The following ZDHHC8 variants were observed in gnomAD, a reference collection of about 807,000 sequenced individuals.
ZDHHC8 encodes zDHHC palmitoyltransferase 8.
ZDHHC8 carries 24 observed loss-of-function variants against 61.2 expected under a neutral mutation model. That is an observed-to-expected ratio of 0.39 (90% CI 0.28 to 0.55). The LOEUF (loss-of-function observed/expected upper bound fraction) is 0.55, where lower values mean the gene tolerates loss of function less well. Ranked by LOEUF, ZDHHC8 falls within the 20% of genes least tolerant of loss-of-function variation. The pLI is 0.60. For synonymous variants in ZDHHC8, 523 were observed against 492.5 expected, an observed-to-expected ratio of 1.06 and a Z score of -0.82; for missense variants, 935 against 1,102.1, an observed-to-expected ratio of 0.85 and a Z score of 2.15.
rs1333183701 is a variant in ZDHHC8 at position 20,131,886 on chromosome 22, C to T, written c.-62C>T. The T allele has an allele frequency of 4.9e-5, 37 of 758,024 alleles. No homozygotes were observed. In the South Asian group the frequency reaches 1.9e-3, roughly 39 times the overall value. The allele number at this position is 758,024 out of a possible 1,614,324, so 47.0% of individuals were successfully genotyped here. On this transcript the variant is annotated 5_prime_UTR_variant, in exon 1 of 11. Transcript: ENST00000334554. Reference sequence around the variant, plus strand: ...TCCAGCCCGCCCGCCCGACCCCGGCCCGACCCCGGCCGGCCCTGCCCGCCC... The same window carrying T: ...TCCAGCCCGCCCGCCCGACCCCGGCTCGACCCCGGCCGGCCCTGCCCGCCC...
chr22:20,145,475 T>G lies in ZDHHC8; in HGVS notation c.*75T>G. Reference sequence around the variant, plus strand: ...CAGCGCACCCCCCCTCCCCACCAACTTCTCTGCCCCAGGGACCCGAGGCCA... The same window carrying G: ...CAGCGCACCCCCCCTCCCCACCAACGTCTCTGCCCCAGGGACCCGAGGCCA... On this transcript the variant is annotated 3_prime_UTR_variant, in exon 11 of 11. Transcript: ENST00000334554. 1 of 1,333,646 alleles carries G rather than the reference T, an allele frequency of 7.5e-7. No homozygotes were observed. 82.6% of individuals were successfully genotyped at this position (1,333,646 alleles called of 1,614,324 possible). A position where few individuals can be genotyped will look rare whatever the true frequency, so the allele number is the denominator to read the frequency against.
chr22:20,132,598 C>T (rs2050386690), intron 1 of ZDHHC8, among the ~76,000 whole-genome samples: 1 of 152,238 alleles, frequency 6.6e-6, no homozygotes, highest in Non-Finnish European at 1.5e-5. Flanking sequence ...CTCAGGAAGA[C>T]CCAGTGGTCA....
At chr22:20,142,052 C>T (rs960679793) in intron 9 of ZDHHC8, among the ~76,000 whole-genome samples, 8 of 152,166 alleles carry the variant, frequency 5.3e-5, no homozygotes, top group Non-Finnish European at 1.0e-4. Flanking sequence ...ACCAAACAGT[C>T]CCAGGGTGCC....
intron 4 of ZDHHC8, 40 bp from the exon 5 acceptor site, chr22:20,140,075 T>C: frequency 1.2e-6 from 2 of 1,607,398 alleles, no homozygotes; most frequent in Non-Finnish European, 1.7e-6. Flanking sequence ...CGATGGGGTC[T>C]GCGGTGTCCT....
rs373113355 is a variant in ZDHHC8 at position 20,139,714 on chromosome 22, G to A, written c.385-6G>A. 143 of 1,611,812 alleles carry A rather than the reference G, an allele frequency of 8.9e-5. No individual in the cohort carries two copies. The highest frequency in any genetic ancestry group is 2.3e-4 in the Admixed American group (14 of 60,000). The stretch of plus-strand genomic sequence containing the variant: ...CCATGTGCCCTGATGCACTGCTCCC[G>A]CCCAGGACTTTGACCACCACTGCCC... On this transcript the variant is annotated splice_region_variant and splice_polypyrimidine_tract_variant and intron_variant, in intron 3 of 10. Coordinates refer to ENST00000334554, the MANE Select transcript of ZDHHC8 (RefSeq NM_013373.4).
intron 1 of ZDHHC8, 29 bp from the exon 2 acceptor site, chr22:20,139,165 C>T (rs1384278534): frequency 1.9e-5 from 30 of 1,605,786 alleles, no homozygotes; most frequent in Admixed American, 1.2e-4. Flanking sequence ...CCCCCAGACT[C>T]CACTCTCTGC....
intron 3 of ZDHHC8, 41 bp downstream of exon 3, chr22:20,139,676 A>T: frequency 6.2e-7 from 1 of 1,611,156 alleles, no homozygotes; most frequent in Non-Finnish European, 8.5e-7. Context: ...GCCCTGTGCC[A>T]CATCCCTGCC....
chr22:20,132,026 TC>T lies in ZDHHC8; in HGVS notation c.81del (p.Ser28AlafsTer12). ...CACGGCCGCCGCGCTGCTGGTCGGC[TC>T]CAGCACCCTCTTCTTCGTGTTCACG... ...VATAAALLVG[S>X]STLFFVFTCP... On this transcript the variant is annotated frameshift_variant, in exon 1 of 11. Transcript: ENST00000334554. LOFTEE classifies it high-confidence loss of function. 7.3e-7 allele frequency: 1 copy of T among 1,373,990 alleles called. No individual in the cohort carries two copies. The highest frequency in any genetic ancestry group is 1.4e-5 in the South Asian group (1 of 71,728). 85.1% of individuals were successfully genotyped at this position (1,373,990 alleles called of 1,614,324 possible). A position where few individuals can be genotyped will look rare whatever the true frequency, so the allele number is the denominator to read the frequency against.
chr22:20,131,865 G>GGCCCCCCCC lies in ZDHHC8; in HGVS notation c.-83_-82insGCCCCCCCC. On this transcript the variant is annotated 5_prime_UTR_variant, in exon 1 of 11. Coordinates refer to ENST00000334554, the MANE Select transcript of ZDHHC8 (RefSeq NM_013373.4). Reference sequence around the variant, plus strand: ...CGCCGCGGGTCCTGCGCCGCGTCCAGCCCGCCCGCCCGACCCCGGCCCGAC... The same window carrying GGCCCCCCCC: ...CGCCGCGGGTCCTGCGCCGCGTCCAGGCCCCCCCCCCCGCCCGCCCGACCCCGGCCCGAC... The GGCCCCCCCC allele has an allele frequency of 1.6e-5, 5 of 318,144 alleles. No individual in the cohort carries two copies. Among genetic ancestry groups the GGCCCCCCCC allele is most frequent in the Non-Finnish European group, 2.2e-5 (5 of 222,532 alleles). The allele number at this position is 318,144 out of a possible 1,614,324, so 19.7% of individuals were successfully genotyped here.
At chr22:20,132,799 A>T (rs2050388521) in intron 1 of ZDHHC8, among the ~76,000 whole-genome samples, 1 of 152,226 alleles carries the variant, frequency 6.6e-6, no homozygotes, top group Admixed American at 6.5e-5. Context: ...TTAGGACCAG[A>T]GAGGCATGCG....
At chr22:20,139,081 C>T (rs2050444881) in intron 1 of ZDHHC8, 113 bp from the exon 2 acceptor site, 1 of 1,471,836 alleles carries the variant, frequency 6.8e-7, no homozygotes, top group Admixed American at 2.2e-5. Context: ...TCCCCACTGC[C>T]TCTGAGCTCT....
At position 20,137,357 on chromosome 22, in the gene ZDHHC8, GC is replaced by G. The variant is rs567138756; in HGVS notation, c.105-1832del. ...CCTGATGGGCGAACACACCCCCAAG[GC>G]CCCCGTTAGGGCCAGGAGGCAGGCT... On this transcript the variant is annotated intron_variant, in intron 1 of 10. Transcript: ENST00000334554. 2.0e-4 allele frequency among the ~76,000 whole-genome samples: 30 copies of G among 152,344 alleles called. No individual in the cohort carries two copies. The East Asian group carries it at 5.2e-3, about 26-fold the overall frequency.
At chr22:20,134,152 A>G (rs1453866053) in intron 1 of ZDHHC8, among the ~76,000 whole-genome samples, 1 of 152,152 alleles carries the variant, frequency 6.6e-6, no homozygotes, top group African/African-American at 2.4e-5. Flanking sequence ...CTCCTGGGAG[A>G]AGATGCCATG....
intron 3 of ZDHHC8, 36 bp downstream of exon 3, chr22:20,139,671 G>T: frequency 1.2e-6 from 2 of 1,611,204 alleles, no homozygotes; most frequent in Non-Finnish European, 1.7e-6. Flanking sequence ...CCCCAGCCCT[G>T]TGCCACATCC....
rs755193355 is a variant in ZDHHC8 at position 20,141,537 on chromosome 22, A to G, written c.1125+7A>G. 74 of 1,607,048 alleles carry G rather than the reference A, an allele frequency of 4.6e-5. No individual in the cohort carries two copies. The Admixed American group carries it at 1.2e-3, about 27-fold the overall frequency. ...CTGTGGACCAGGCGAGCAGGTAAGG[A>G]GGCCTAGCCTGCCCCCTGGCAGGCC... On this transcript the variant is annotated splice_region_variant and intron_variant, in intron 9 of 10. Coordinates refer to ENST00000334554, the MANE Select transcript of ZDHHC8 (RefSeq NM_013373.4).
chr22:20,147,338 C>G lies in ZDHHC8; in HGVS notation c.*1938C>G, dbSNP rs1422793151. On this transcript the variant is annotated 3_prime_UTR_variant, in exon 11 of 11. Coordinates refer to ENST00000334554, the MANE Select transcript of ZDHHC8 (RefSeq NM_013373.4). ...CAGGGCTGGGGGTGGGCTGGGCTCT[C>G]TGCTCCACCAGCCACAGCTTGACAG... 6.2e-5 allele frequency: 71 copies of G among 1,138,656 alleles called. No individual in the cohort carries two copies. The highest frequency in any genetic ancestry group is 8.1e-5 in the Non-Finnish European group (69 of 848,864). The allele number at this position is 1,138,656 out of a possible 1,614,324, so 70.5% of individuals were successfully genotyped here.
chr22:20,139,063 T>C, intron 1 of ZDHHC8, 131 bp from the exon 2 acceptor site: 4 of 1,351,714 alleles, frequency 3.0e-6, no homozygotes, highest in Non-Finnish European at 4.0e-6. Context: ...GGCAGGGCTG[T>C]GGCAGCCTCC....
rs753378313 is a variant in ZDHHC8, at chr22:20,141,205, G to A, written c.895-12G>A. On this transcript the variant is annotated splice_polypyrimidine_tract_variant and intron_variant, in intron 7 of 10. Coordinates refer to ENST00000334554, the MANE Select transcript of ZDHHC8 (RefSeq NM_013373.4). ...CCAAGCCCCACACACCACTGACCCCGCTCCCTCCCAGTCCAAGGGCAGCCT... is the reference window on the plus strand; with the variant it reads ...CCAAGCCCCACACACCACTGACCCCACTCCCTCCCAGTCCAAGGGCAGCCT... 3.4e-5 allele frequency: 54 copies of A among 1,608,168 alleles called. No individual in the cohort carries two copies. Among genetic ancestry groups the A allele is most frequent in the South Asian group, 3.0e-4 (27 of 90,476 alleles).
rs1311124550 is a variant in ZDHHC8 at position 20,132,253 on chromosome 22, G to A, written c.104+202G>A. On this transcript the variant is annotated intron_variant, in intron 1 of 10. Transcript: ENST00000334554. ...GTGTGCCGGCGTCCCGGGCACCGGG[G>A]TGAGTCCCTTGTGTGGGGACACCAG... Among the ~76,000 whole-genome samples the A allele has an allele frequency of 5.3e-5, 8 of 152,210 alleles. No individual in the cohort carries two copies. The East Asian group carries it at 1.5e-3, about 29-fold the overall frequency.
Sources: allele counts gnomAD v4.1 joint callset (sites outside exome capture counted in the v4.1 genomes callset), GRCh38; gene constraint gnomAD v4.1.1; transcripts MANE v1.5; gene names NCBI Gene and HGNC (gene_info 2026-07-23, HGNC 2026-07-21).